Variants in TCEA3 observed in about 807,000 individuals in gnomAD.
TCEA3 encodes transcription elongation factor A3, also known as transcription elongation factor A protein 3.
TCEA3 carries 36 observed loss-of-function variants against 44.0 expected under a neutral mutation model. The observed-to-expected ratio is 0.82, with a 90% CI of 0.63 to 1.08. TCEA3 has a LOEUF of 1.08. TCEA3 is among the 50% of genes least tolerant of loss of function. TCEA3 has a pLI of 0.00. For synonymous variants in TCEA3, 162 were observed against 159.7 expected (o/e 1.01, Z -0.11); for missense variants, 392 against 441.2 (o/e 0.89, Z 1.00).
chr1:23,416,000 C>CTTTTT (rs768819564), intron 4 of TCEA3, among the ~76,000 whole-genome samples: 11 of 118,704 alleles, frequency 9.3e-5, no homozygotes, highest in African/African-American at 1.4e-4. Flanking sequence ...CTACATTTTC[C>CTTTTT]TTTTTTTTTT....
Position 23,397,886 on chromosome 1 carries a change from G to A in TCEA3, c.513C>T (p.Ala171=). The A allele has an allele frequency of 6.2e-7, 1 of 1,613,850 alleles. No individual in the cohort carries two copies. The highest frequency in any genetic ancestry group is 8.5e-7 in the Non-Finnish European group (1 of 1,179,834). ...AGGGGGCCAGGAGACACATGGAAGA[G>A]GCAAACGTGGGGGTCAAGGGGCTGC... ...TPSSPLTPTF[A]SSMCLLAPCY... is the part of the protein sequence containing the mutation. The change falls in exon 6 of 11, where the codon GCC becomes GCT. Residue 171 remains alanine (A), a synonymous_variant. Coordinates refer to ENST00000450454, the MANE Select transcript of TCEA3 (RefSeq NM_003196.3).
chr1:23,412,929 G>T (rs1639776571), intron 4 of TCEA3, among the ~76,000 whole-genome samples: 1 of 152,116 alleles, frequency 6.6e-6, no homozygotes, highest in South Asian at 2.1e-4. Flanking sequence ...TTAATTAACT[G>T]AGCTGAAATA....
At chr1:23,417,767 T>C (rs1558072843) in intron 3 of TCEA3, 137 bp downstream of exon 3, 3 of 783,934 alleles carry the variant, frequency 3.8e-6, no homozygotes, top group Non-Finnish European at 6.1e-6. Flanking sequence ...ACTAGCTACC[T>C]CCCGGATCCA....
chr1:23,413,030 C>A (rs1395112989), intron 4 of TCEA3, among the ~76,000 whole-genome samples: 1 of 152,174 alleles, frequency 6.6e-6, no homozygotes, highest in Non-Finnish European at 1.5e-5. Context: ...TTCTGAGCCC[C>A]ATGGCTGTGA....
intron 5 of TCEA3, among the ~76,000 whole-genome samples, chr1:23,399,337 G>A (rs1639328139): frequency 6.6e-6 from 1 of 151,470 alleles, no homozygotes; most frequent in African/African-American, 2.4e-5. Flanking sequence ...TTTCTCATGA[G>A]GGCTCTCTCT....
rs1178945670 is a variant in TCEA3, at chr1:23,387,253, C to G, written c.966+20G>C. 12 of 1,611,874 alleles carry G rather than the reference C, an allele frequency of 7.4e-6. No homozygotes were observed. The highest frequency in any genetic ancestry group is 1.0e-5 in the Non-Finnish European group (12 of 1,179,122). ...CCTGCGGCCTCCTGCACCTCCGGCC[C>G]GTCCCCTCACTGTCCTTACCTGGTT... On this transcript the variant is annotated intron_variant, in intron 9 of 10. Coordinates refer to ENST00000450454, the MANE Select transcript of TCEA3 (RefSeq NM_003196.3).
chr1:23,393,903 C>A lies in TCEA3; in HGVS notation c.795G>T (p.Gly265=). The A allele has an allele frequency of 6.2e-7, 1 of 1,613,768 alleles. No homozygotes were observed. Among genetic ancestry groups the A allele is most frequent in the South Asian group, 1.1e-5 (1 of 91,082 alleles). Residue 265 remains glycine, a synonymous_variant, in exon 8 of 11, where the codon GGG becomes GGT. Coordinates refer to ENST00000450454, the MANE Select transcript of TCEA3 (RefSeq NM_003196.3). ...CCTCTGCCGTCATCTTGGCTATAAG[C>A]CCTGCGGAGATGGCCCCACTGAGCA... ...RNVLSGAISA[G]LIAKMTAEEM...
chr1:23,389,519 GC>G (rs1232820260), intron 8 of TCEA3, among the ~76,000 whole-genome samples: 1 of 151,392 alleles, frequency 6.6e-6, no homozygotes, highest in South Asian at 2.1e-4. Flanking sequence ...CATTGGTGGT[GC>G]ATGCCTGTAA....
At chr1:23,414,954 G>C (rs926210688) in intron 4 of TCEA3, among the ~76,000 whole-genome samples, 4 of 141,050 alleles carry the variant, frequency 2.8e-5, no homozygotes, top group Non-Finnish European at 6.1e-5. Context: ...CTTTTTCATT[G>C]TTACCTCTCC....
chr1:23,384,261 C>A (rs779204701), intron 10 of TCEA3, 85 bp downstream of exon 10: 1 of 1,608,392 alleles, frequency 6.2e-7, no homozygotes, highest in Non-Finnish European at 8.5e-7. Flanking sequence ...TGCACAAGGC[C>A]CCTTCTGGGT....
At chr1:23,400,779 G>A (rs747550033) in intron 5 of TCEA3, among the ~76,000 whole-genome samples, 3 of 152,204 alleles carry the variant, frequency 2.0e-5, no homozygotes, top group Non-Finnish European at 2.9e-5. Flanking sequence ...TTGTGGAAGC[G>A]CCCAGAGAGC....
chr1:23,417,439 A>G, intron 3 of TCEA3, 49 bp from the exon 4 acceptor site: 3 of 1,589,056 alleles, frequency 1.9e-6, no homozygotes, highest in Non-Finnish European at 2.6e-6. Context: ...CTGTCTCAGC[A>G]GAACCCAGCA....
At chr1:23,421,194 T>C (rs1176319795) in intron 1 of TCEA3, among the ~76,000 whole-genome samples, 1 of 152,216 alleles carries the variant, frequency 6.6e-6, no homozygotes, top group African/African-American at 2.4e-5. Context: ...TTTTTACCTG[T>C]ATTATCTCAT....
intron 1 of TCEA3, among the ~76,000 whole-genome samples, chr1:23,420,708 C>T (rs530140336): frequency 2.0e-5 from 3 of 152,204 alleles, no homozygotes; most frequent in Non-Finnish European, 2.9e-5. Context: ...TCTCTGAGAA[C>T]TTAGGGCTCA....
intron 5 of TCEA3, among the ~76,000 whole-genome samples, chr1:23,399,415 A>G (rs1444271495): frequency 6.6e-6 from 1 of 151,622 alleles, no homozygotes; most frequent in Non-Finnish European, 1.5e-5. Context: ...CACTAATCCT[A>G]TTGGATCAGG....
intron 3 of TCEA3, 70 bp downstream of exon 3, chr1:23,417,834 G>A (rs1167035593): frequency 4.2e-6 from 6 of 1,418,776 alleles, no homozygotes; most frequent in East Asian, 4.6e-5. Context: ...TGCTGGCTAT[G>A]AGCCAGGCCC....
chr1:23,424,566 G>A lies in TCEA3; in HGVS notation c.68C>T (p.Thr23Met), dbSNP rs1640164019. ...KLEKMVARKN[T>M]EGALDLLKKL... is the part of the protein sequence containing the mutation. ...GTGGCCCAAACTCTGCAGCCTCACC[G>A]TGTTCTTCCTGGCCACCATCTTCTC... Residue 23 changes from threonine to methionine, a missense_variant and splice_region_variant, in exon 1 of 11, where the codon ACG becomes ATG. Transcript: ENST00000450454. 1 of 1,607,188 alleles carries A rather than the reference G, an allele frequency of 6.2e-7. No homozygotes were observed. The highest frequency in any genetic ancestry group is 1.7e-5 in the Admixed American group (1 of 59,914).
intron 5 of TCEA3, among the ~76,000 whole-genome samples, chr1:23,399,028 A>G (rs1639301756): frequency 6.6e-6 from 1 of 151,486 alleles, no homozygotes; most frequent in East Asian, 1.9e-4. Flanking sequence ...TTGGCCTCCC[A>G]AAGTGCTGGG....
In TCEA3 at chr1:23,397,577, T is replaced by C; in HGVS notation, c.632A>G (p.Asn211Ser). ...GATTTCTGATGCCATCTTGTCACAGTTGACTCCATAGTCCTTGTAATCATC... is the reference window on the plus strand; with the variant it reads ...GATTTCTGATGCCATCTTGTCACAGCTGACTCCATAGTCCTTGTAATCATC... Reference protein sequence around the residue: ...ADDDYKDYGVNCDKMASEIED... With the variant: ...ADDDYKDYGVSCDKMASEIED... Residue 211 changes from asparagine (N) to serine (S), a missense_variant, in exon 7 of 11, where the codon AAC becomes AGC. Coordinates refer to ENST00000450454, the MANE Select transcript of TCEA3 (RefSeq NM_003196.3). The C allele has an allele frequency of 2.5e-6, 4 of 1,613,938 alleles. No individual in the cohort carries two copies. Among genetic ancestry groups the C allele is most frequent in the Non-Finnish European group, 2.5e-6 (3 of 1,179,880 alleles).
Sources: allele counts gnomAD v4.1 joint callset (sites outside exome capture counted in the v4.1 genomes callset), GRCh38; gene constraint gnomAD v4.1.1; transcripts MANE v1.5; gene names NCBI Gene and HGNC (gene_info 2026-07-23, HGNC 2026-07-21).